TNNC1: variants seen among roughly 807,000 people sequenced by gnomAD.
TNNC1 encodes troponin C, slow skeletal and cardiac muscles.
In TNNC1, 10 loss-of-function variants were observed where a neutral mutation model predicts 19.6. The ratio of observed to expected loss-of-function variants is 0.51; its 90% CI spans 0.31 to 0.87. The LOEUF is 0.87. Ranked by LOEUF, TNNC1 falls within the 40% of genes least tolerant of loss-of-function variation. TNNC1 has a pLI of 0.04. For missense variants in TNNC1, 115 were observed against 219.8 expected (o/e 0.52, Z 3.02); for synonymous variants, 85 against 80.1 (o/e 1.06, Z -0.33).
chr3:52,451,969 G>A lies in TNNC1; in HGVS notation c.203-111C>T. Reference sequence around the variant, plus strand: ...CATCCTCACACCAAACGCCAGGCTTGTGTAGCCCTTATGCCCATTTTATAG... The same window carrying A: ...CATCCTCACACCAAACGCCAGGCTTATGTAGCCCTTATGCCCATTTTATAG... On this transcript the variant is annotated intron_variant, in intron 3 of 5. Coordinates refer to ENST00000232975, the MANE Select transcript of TNNC1 (RefSeq NM_003280.3). This position sits in a 1 kb window ranked among gnomAD's most constrained non-coding sequence, Gnocchi z 4.8. 1.3e-5 allele frequency: 20 copies of A among 1,544,936 alleles called. No homozygotes were observed. In the South Asian group the frequency reaches 2.1e-4, roughly 16 times the overall value.
At chr3:52,453,900 C>A in intron 1 of TNNC1, 92 bp downstream of exon 1, 1 of 1,483,810 alleles carries the variant, frequency 6.7e-7, no homozygotes, top group Non-Finnish European at 9.2e-7. Flanking sequence ...TTGGTCCCCA[C>A]CACTTCCCTG....
chr3:52,451,386 C>A lies in TNNC1; in HGVS notation c.454+5G>T. Reference sequence around the variant, plus strand: ...GGCAGGAGATCAGCCCACCCACCCGCTTACCATCATAGTCGATGCGGCCGT... The same window carrying A: ...GGCAGGAGATCAGCCCACCCACCCGATTACCATCATAGTCGATGCGGCCGT... On this transcript the variant is annotated splice_donor_5th_base_variant and intron_variant, in intron 5 of 5. Transcript: ENST00000232975. The surrounding 1 kb of genome is among the most constrained non-coding windows in gnomAD (Gnocchi z 4.8). The A allele has an allele frequency of 6.2e-7, 1 of 1,614,142 alleles. No individual in the cohort carries two copies. Among genetic ancestry groups the A allele is most frequent in the South Asian group, 1.1e-5 (1 of 91,082 alleles).
chr3:52,451,177 G>C lies in TNNC1; in HGVS notation c.*98C>G. On this transcript the variant is annotated 3_prime_UTR_variant, in exon 6 of 6. Transcript: ENST00000232975. The surrounding 1 kb of genome is among the most constrained non-coding windows in gnomAD (Gnocchi z 4.8). ...CGGGGGATTTGGGGTTGAGGACATGGCCAGGCTCAGGTCCTGGGACCCCGA... is the reference window on the plus strand; with the variant it reads ...CGGGGGATTTGGGGTTGAGGACATGCCCAGGCTCAGGTCCTGGGACCCCGA... The C allele has an allele frequency of 7.1e-7, 1 of 1,414,118 alleles. No individual in the cohort carries two copies. Among genetic ancestry groups the C allele is most frequent in the Non-Finnish European group, 1.0e-6 (1 of 1,003,214 alleles). The allele number at this position is 1,414,118 out of a possible 1,614,324, so 87.6% of individuals were successfully genotyped here. A position where few individuals can be genotyped will look rare whatever the true frequency, so the allele number is the denominator to read the frequency against.
intron 1 of TNNC1, among the ~76,000 whole-genome samples, chr3:52,453,086 C>A (rs1706353839): frequency 6.6e-6 from 1 of 152,246 alleles, no homozygotes; most frequent in Non-Finnish European, 1.5e-5. Flanking sequence ...GCTGTCCCAA[C>A]CCCGGCTCCA....
rs1348077301 is a variant in TNNC1 at position 52,451,942 on chromosome 3, C to T, written c.203-84G>A. 3.9e-6 allele frequency: 6 copies of T among 1,530,588 alleles called. No individual in the cohort carries two copies. The highest frequency in any genetic ancestry group is 2.2e-5 in the East Asian group (1 of 44,450). The allele number at this position is 1,530,588 out of a possible 1,614,324, so 94.8% of individuals were successfully genotyped here. ...TCGACACGAACCCCCATGTTCTCAC[C>T]GCATCCTCACACCAAACGCCAGGCT... On this transcript the variant is annotated intron_variant, in intron 3 of 5. Coordinates refer to ENST00000232975, the MANE Select transcript of TNNC1 (RefSeq NM_003280.3). This position sits in a 1 kb window ranked among gnomAD's most constrained non-coding sequence, Gnocchi z 4.8.
Position 52,451,267 on chromosome 3 carries a change from G to T in TNNC1, c.*8C>A. The T allele has an allele frequency of 6.2e-7, 1 of 1,614,082 alleles. No homozygotes were observed. The highest frequency in any genetic ancestry group is 8.5e-7 in the Non-Finnish European group (1 of 1,180,008). On this transcript the variant is annotated 3_prime_UTR_variant, in exon 6 of 6. Transcript: ENST00000232975. The surrounding 1 kb of genome is among the most constrained non-coding windows in gnomAD (Gnocchi z 4.8). ...TGGGCATAGGCAGCTCTGGGTGAAG[G>T]TCAGCATCTACTCCACACCCTTCAT...
In TNNC1 at chr3:52,451,895, G is replaced by A. The variant is rs770134875; in HGVS notation, c.203-37C>T. ...CAGCATGGCCGTTACAGAGGCCAGGGTAGGTACTGCAGGCAGCACCTTCGA... is the reference window on the plus strand; with the variant it reads ...CAGCATGGCCGTTACAGAGGCCAGGATAGGTACTGCAGGCAGCACCTTCGA... On this transcript the variant is annotated intron_variant, in intron 3 of 5. Transcript: ENST00000232975. This position sits in a 1 kb window ranked among gnomAD's most constrained non-coding sequence, Gnocchi z 4.8. 3.8e-6 allele frequency: 6 copies of A among 1,591,200 alleles called. No individual in the cohort carries two copies. The East Asian group carries it at 1.3e-4, about 36-fold the overall frequency.
chr3:52,451,911 G>T lies in TNNC1; in HGVS notation c.203-53C>A, dbSNP rs1040084935. On this transcript the variant is annotated intron_variant, in intron 3 of 5. Transcript: ENST00000232975. This position sits in a 1 kb window ranked among gnomAD's most constrained non-coding sequence, Gnocchi z 4.8. ...GAGGCCAGGGTAGGTACTGCAGGCA[G>T]CACCTTCGACACGAACCCCCATGTT... 1 of 1,572,052 alleles carries T rather than the reference G, an allele frequency of 6.4e-7. No homozygotes were observed. Among genetic ancestry groups the T allele is most frequent in the Admixed American group, 1.7e-5 (1 of 59,944 alleles).
chr3:52,451,887 AG>A lies in TNNC1; in HGVS notation c.203-30del. The A allele has an allele frequency of 1.3e-6, 2 of 1,597,240 alleles. No homozygotes were observed. Among genetic ancestry groups the A allele is most frequent in the East Asian group, 4.5e-5 (2 of 44,806 alleles). On this transcript the variant is annotated intron_variant, in intron 3 of 5. Coordinates refer to ENST00000232975, the MANE Select transcript of TNNC1 (RefSeq NM_003280.3). This position sits in a 1 kb window ranked among gnomAD's most constrained non-coding sequence, Gnocchi z 4.8. Reference sequence around the variant, plus strand: ...GGGGTGGGCAGCATGGCCGTTACAGAGGCCAGGGTAGGTACTGCAGGCAGCA... The same window carrying A: ...GGGGTGGGCAGCATGGCCGTTACAGAGCCAGGGTAGGTACTGCAGGCAGCA...
rs980806594 is a variant in TNNC1 at position 52,451,241 on chromosome 3, C to G, written c.*34G>C. 1 of 1,613,938 alleles carries G rather than the reference C, an allele frequency of 6.2e-7. No individual in the cohort carries two copies. The highest frequency in any genetic ancestry group is 1.1e-5 in the South Asian group (1 of 91,080). On this transcript the variant is annotated 3_prime_UTR_variant, in exon 6 of 6. Coordinates refer to ENST00000232975, the MANE Select transcript of TNNC1 (RefSeq NM_003280.3). This position sits in a 1 kb window ranked among gnomAD's most constrained non-coding sequence, Gnocchi z 4.8. Reference sequence around the variant, plus strand: ...CCCAGGACTCAGCTGGAGTTGGAGGCTGGGCATAGGCAGCTCTGGGTGAAG... The same window carrying G: ...CCCAGGACTCAGCTGGAGTTGGAGGGTGGGCATAGGCAGCTCTGGGTGAAG...
Position 52,451,924 on chromosome 3 carries a change from G to A in TNNC1, c.203-66C>T, listed in dbSNP as rs951925607. The A allele has an allele frequency of 1.9e-5, 29 of 1,543,108 alleles. No homozygotes were observed. The highest frequency in any genetic ancestry group is 2.3e-5 in the Non-Finnish European group (26 of 1,117,444). On this transcript the variant is annotated intron_variant, in intron 3 of 5. Coordinates refer to ENST00000232975, the MANE Select transcript of TNNC1 (RefSeq NM_003280.3). The surrounding 1 kb of genome is among the most constrained non-coding windows in gnomAD (Gnocchi z 4.8). ...GTACTGCAGGCAGCACCTTCGACAC[G>A]AACCCCCATGTTCTCACCGCATCCT...
At position 52,452,646 on chromosome 3, in the gene TNNC1, G is replaced by T. The variant is rs1405577264; in HGVS notation, c.25-133C>A. The T allele has an allele frequency of 1.5e-5, 15 of 977,740 alleles. No individual in the cohort carries two copies. Among genetic ancestry groups the T allele is most frequent in the Non-Finnish European group, 2.1e-5 (13 of 628,870 alleles). 60.6% of individuals were successfully genotyped at this position (977,740 alleles called of 1,614,324 possible). A position where few individuals can be genotyped will look rare whatever the true frequency, so the allele number is the denominator to read the frequency against. ...TCCAGGCCACAGAGTGGAGGTCTCA[G>T]TCCTCCCTCCCTGCCCCCAAAGCCC... On this transcript the variant is annotated intron_variant, in intron 1 of 5. Coordinates refer to ENST00000232975, the MANE Select transcript of TNNC1 (RefSeq NM_003280.3). The surrounding 1 kb of genome is among the most constrained non-coding windows in gnomAD (Gnocchi z 5.2).
chr3:52,452,809 A>C lies in TNNC1; in HGVS notation c.25-296T>G. 1 of 513,904 alleles carries C rather than the reference A, an allele frequency of 1.9e-6. No individual in the cohort carries two copies. Among genetic ancestry groups the C allele is most frequent in the Non-Finnish European group, 3.5e-6 (1 of 283,176 alleles). The allele number at this position is 513,904 out of a possible 1,614,324, so 31.8% of individuals were successfully genotyped here. A position where few individuals can be genotyped will look rare whatever the true frequency, so the allele number is the denominator to read the frequency against. On this transcript the variant is annotated intron_variant, in intron 1 of 5. Transcript: ENST00000232975. This position sits in a 1 kb window ranked among gnomAD's most constrained non-coding sequence, Gnocchi z 5.2. ...GCCCTTTCGGCCCCTGATGAAACTC[A>C]AGCTGGGTGGCCCGAAGGACAGCTG...
Position 52,452,644 on chromosome 3 carries a change from C to A in TNNC1, c.25-131G>T. 1 of 983,004 alleles carries A rather than the reference C, an allele frequency of 1.0e-6. No individual in the cohort carries two copies. The highest frequency in any genetic ancestry group is 1.4e-5 in the South Asian group (1 of 72,506). 60.9% of individuals were successfully genotyped at this position (983,004 alleles called of 1,614,324 possible). ...TTTCCAGGCCACAGAGTGGAGGTCTCAGTCCTCCCTCCCTGCCCCCAAAGC... is the reference window on the plus strand; with the variant it reads ...TTTCCAGGCCACAGAGTGGAGGTCTAAGTCCTCCCTCCCTGCCCCCAAAGC... On this transcript the variant is annotated intron_variant, in intron 1 of 5. Coordinates refer to ENST00000232975, the MANE Select transcript of TNNC1 (RefSeq NM_003280.3). The surrounding 1 kb of genome is among the most constrained non-coding windows in gnomAD (Gnocchi z 5.2).
At chr3:52,453,683 C>T (rs754305384) in intron 1 of TNNC1, among the ~76,000 whole-genome samples, 4 of 152,178 alleles carry the variant, frequency 2.6e-5, no homozygotes, top group East Asian at 1.9e-4. Flanking sequence ...AAGGCAAAAA[C>T]GTCCAGAGAC....
In TNNC1 at chr3:52,451,566, C is replaced by A. The variant is rs1706328582; in HGVS notation, c.318-39G>T. 1 of 1,613,242 alleles carries A rather than the reference C, an allele frequency of 6.2e-7. No individual in the cohort carries two copies. The highest frequency in any genetic ancestry group is 8.5e-7 in the Non-Finnish European group (1 of 1,179,784). Reference sequence around the variant, plus strand: ...GCTCAGGGTAGGGCTGTGGGGAGGGCATGAGGCAGCCCCACCCATGCCCCA... The same window carrying A: ...GCTCAGGGTAGGGCTGTGGGGAGGGAATGAGGCAGCCCCACCCATGCCCCA... On this transcript the variant is annotated intron_variant, in intron 4 of 5. Coordinates refer to ENST00000232975, the MANE Select transcript of TNNC1 (RefSeq NM_003280.3). This position sits in a 1 kb window ranked among gnomAD's most constrained non-coding sequence, Gnocchi z 4.8.
rs771216638 is a variant in TNNC1 at position 52,451,819 on chromosome 3, A to G, written c.242T>C (p.Met81Thr). The G allele has an allele frequency of 2.5e-6, 4 of 1,613,922 alleles. No homozygotes were observed. In the African/African-American group the frequency reaches 4.0e-5, roughly 16 times the overall value. The part of the protein sequence containing the change: ...TVDFDEFLVM[M>T]VRCMKDDSKG... ...GCTGTCGTCCTTCATGCACCGAACC[A>G]TCATGACCAGGAACTCATCAAAGTC... Residue 81 changes from methionine (M) to threonine (T), a missense_variant, in exon 4 of 6, where the codon ATG (methionine) becomes ACG (threonine). This residue lies in a region of TNNC1 where 96 missense variants were observed against 114.2 expected (regional missense o/e 0.84). Coordinates refer to ENST00000232975, the MANE Select transcript of TNNC1 (RefSeq NM_003280.3). This position sits in a 1 kb window ranked among gnomAD's most constrained non-coding sequence, Gnocchi z 4.8.
rs1706328686 is a variant in TNNC1, at chr3:52,451,571, G to A, written c.318-44C>T. The stretch of plus-strand genomic sequence containing the variant: ...GGGTAGGGCTGTGGGGAGGGCATGA[G>A]GCAGCCCCACCCATGCCCCAGGAGG... On this transcript the variant is annotated intron_variant, in intron 4 of 5. Transcript: ENST00000232975. This position sits in a 1 kb window ranked among gnomAD's most constrained non-coding sequence, Gnocchi z 4.8. 1 of 1,612,976 alleles carries A rather than the reference G, an allele frequency of 6.2e-7. No homozygotes were observed. The highest frequency in any genetic ancestry group is 8.5e-7 in the Non-Finnish European group (1 of 1,179,504).
rs1706317524 is a variant in TNNC1 at position 52,451,216 on chromosome 3, C to T, written c.*59G>A. 3.7e-6 allele frequency: 6 copies of T among 1,606,972 alleles called. No individual in the cohort carries two copies. Among genetic ancestry groups the T allele is most frequent in the Non-Finnish European group, 5.1e-6 (6 of 1,173,896 alleles). Reference sequence around the variant, plus strand: ...CTGGGACCCCGACCCCCTCCCCAACCCCAGGACTCAGCTGGAGTTGGAGGC... The same window carrying T: ...CTGGGACCCCGACCCCCTCCCCAACTCCAGGACTCAGCTGGAGTTGGAGGC... On this transcript the variant is annotated 3_prime_UTR_variant, in exon 6 of 6. Transcript: ENST00000232975. The surrounding 1 kb of genome is among the most constrained non-coding windows in gnomAD (Gnocchi z 4.8).
Sources: allele counts gnomAD v4.1 joint callset (sites outside exome capture counted in the v4.1 genomes callset), GRCh38; gene constraint gnomAD v4.1.1; regional missense constraint gnomAD v4.1.1; non-coding constraint Gnocchi (gnomAD v3.1); transcripts MANE v1.5; gene names NCBI Gene and HGNC (gene_info 2026-07-23, HGNC 2026-07-21).